The following CYP2C19 variants were observed in gnomAD, a reference collection of about 807,000 sequenced individuals.
CYP2C19 encodes the protein cytochrome P450 2C19.
A neutral mutation model predicts 40.9 loss-of-function variants in CYP2C19; 59 were observed. That is an observed-to-expected ratio of 1.44 (90% CI 1.17 to 1.79). The LOEUF is 1.79. Among genes scored for constraint, CYP2C19 ranks in the 40% most tolerant of loss-of-function variants. The pLI, the probability that CYP2C19 is intolerant of heterozygous loss-of-function variation, is 0.00. For synonymous variants in CYP2C19, 253 were observed against 208.7 expected (o/e 1.21, Z -1.83); for missense variants, 754 against 596.9 (o/e 1.26, Z -2.74).
At chr10:94,815,453 G>A (rs970190267) in intron 5 of CYP2C19, among the ~76,000 whole-genome samples, 1 of 152,132 alleles carries the variant, frequency 6.6e-6, no homozygotes, top group Non-Finnish European at 1.5e-5. Context: ...TCCCCTTATT[G>A]TTGTCAATTC....
At chr10:94,840,877 C>G (rs571784185) in intron 6 of CYP2C19, among the ~76,000 whole-genome samples, 2 of 152,182 alleles carry the variant, frequency 1.3e-5, no homozygotes, top group Admixed American at 1.3e-4. Flanking sequence ...CTGGTGGCCA[C>G]GCTAATCATT....
chr10:94,766,352 G>A (rs35442644), intron 1 of CYP2C19, among the ~76,000 whole-genome samples: 30,520 of 151,878 alleles, frequency 0.2, 3,287 homozygotes, highest in Middle Eastern at 0.23. Flanking sequence ...AGAATAAATA[G>A]GAAGGTAAAG....
intron 5 of CYP2C19, among the ~76,000 whole-genome samples, chr10:94,802,216 T>C (rs983865979): frequency 6.6e-6 from 1 of 152,170 alleles, no homozygotes; most frequent in Non-Finnish European, 1.5e-5. Context: ...CACTGATTTG[T>C]GTTTTTTACA....
Position 94,839,593 on chromosome 10 carries a change from G to A in CYP2C19, c.962-3244G>A, listed in dbSNP as rs376840296. On this transcript the variant is annotated intron_variant, in intron 6 of 8. Transcript: ENST00000371321. The stretch of plus-strand genomic sequence containing the variant: ...CTTATGCAAATTTGTTTCAGAGAGG[G>A]TGTATTGAATCTTTTGAGTCAGGAT... Among the ~76,000 whole-genome samples, 139 of 152,324 alleles carry A rather than the reference G, an allele frequency of 9.1e-4. 1 individual carries two copies. The highest frequency in any genetic ancestry group is 3.2e-3 in the African/African-American group (134 of 41,572).
chr10:94,800,710 C>G (rs1378372900), intron 5 of CYP2C19, among the ~76,000 whole-genome samples: 1 of 152,202 alleles, frequency 6.6e-6, no homozygotes, highest in Non-Finnish European at 1.5e-5. Context: ...TTTATCTACT[C>G]AAGCCTTAGC....
At chr10:94,846,068 G>T (rs1007124545) in intron 7 of CYP2C19, among the ~76,000 whole-genome samples, 1 of 152,020 alleles carries the variant, frequency 6.6e-6, no homozygotes, top group South Asian at 2.1e-4. Flanking sequence ...TTACTGTACA[G>T]CTTATATTTA....
chr10:94,776,461 T>C (rs1487799986), intron 3 of CYP2C19: 1 of 152,158 alleles, frequency 6.6e-6, no homozygotes, highest in Non-Finnish European at 1.5e-5. Context: ...TTACCTCATT[T>C]TTAAATTCTG....
At chr10:94,791,898 T>G (rs1848610059) in intron 5 of CYP2C19, among the ~76,000 whole-genome samples, 1 of 152,188 alleles carries the variant, frequency 6.6e-6, no homozygotes, top group Non-Finnish European at 1.5e-5. Flanking sequence ...GGTGCAGAGC[T>G]GAGTTCAATT....
intron 5 of CYP2C19, among the ~76,000 whole-genome samples, chr10:94,818,512 C>T (rs1849051347): frequency 6.8e-6 from 1 of 147,500 alleles, no homozygotes; most frequent in South Asian, 2.2e-4. Context: ...TTGATTCTTC[C>T]TACCCATGAG....
intron 6 of CYP2C19, among the ~76,000 whole-genome samples, chr10:94,821,174 G>A (rs957281006): frequency 6.6e-6 from 1 of 152,142 alleles, no homozygotes; most frequent in Non-Finnish European, 1.5e-5. Flanking sequence ...AGACAGCATG[G>A]CAGTTTCAAA....
chr10:94,782,038 T>A, intron 5 of CYP2C19, 41 bp downstream of exon 5: 1 of 1,475,130 alleles, frequency 6.8e-7, no homozygotes, highest in African/African-American at 1.5e-5. Flanking sequence ...ACTGCTTGCG[T>A]ATTTGTGATT....
At chr10:94,790,229 T>G (rs1292018468) in intron 5 of CYP2C19, among the ~76,000 whole-genome samples, 1 of 152,068 alleles carries the variant, frequency 6.6e-6, no homozygotes, top group Non-Finnish European at 1.5e-5. Flanking sequence ...TACTTAACAA[T>G]TTAAGGGGTT....
intron 6 of CYP2C19, among the ~76,000 whole-genome samples, chr10:94,839,924 T>C (rs949875962): frequency 7.2e-5 from 11 of 152,224 alleles, no homozygotes; most frequent in African/African-American, 2.2e-4. Context: ...ACGTTACCTT[T>C]TTCTAACCTT....
chr10:94,782,865 A>G (rs1248797786), intron 5 of CYP2C19, among the ~76,000 whole-genome samples: 1 of 152,118 alleles, frequency 6.6e-6, no homozygotes, highest in Non-Finnish European at 1.5e-5. Flanking sequence ...AGGAACAGAA[A>G]ACCAAACACC....
At chr10:94,776,626 T>C (rs889131311) in intron 3 of CYP2C19, among the ~76,000 whole-genome samples, 2 of 152,072 alleles carry the variant, frequency 1.3e-5, no homozygotes, top group African/African-American at 4.8e-5. Flanking sequence ...ATTTGGAAGC[T>C]CTTTAAATAT....
chr10:94,841,905 A>G (rs1849500870), intron 6 of CYP2C19, among the ~76,000 whole-genome samples: 1 of 152,168 alleles, frequency 6.6e-6, no homozygotes. Flanking sequence ...TTGTTCTGTG[A>G]CCTAATATCT....
chr10:94,797,925 T>C (rs906320656), intron 5 of CYP2C19, among the ~76,000 whole-genome samples: 1 of 152,136 alleles, frequency 6.6e-6, no homozygotes, highest in Non-Finnish European at 1.5e-5. Flanking sequence ...GTTTTGTTGA[T>C]CTTTTCAAAA....
At chr10:94,769,447 A>G (rs1239190178) in intron 1 of CYP2C19, among the ~76,000 whole-genome samples, 1 of 152,190 alleles carries the variant, frequency 6.6e-6, no homozygotes, top group East Asian at 1.9e-4. Flanking sequence ...GGAATACAGA[A>G]GAAGGCATCC....
chr10:94,851,237 A>C (rs1849649298), intron 8 of CYP2C19, among the ~76,000 whole-genome samples: 1 of 152,088 alleles, frequency 6.6e-6, no homozygotes, highest in Admixed American at 6.6e-5. Context: ...TTCATGGAAG[A>C]GCAGGAGAGA....
Sources: allele counts gnomAD v4.1 joint callset (sites outside exome capture counted in the v4.1 genomes callset), GRCh38; gene constraint gnomAD v4.1.1; transcripts MANE v1.5; gene names NCBI Gene and HGNC (gene_info 2026-07-23, HGNC 2026-07-21).